BCKDHB: variants seen among roughly 807,000 people sequenced by gnomAD.
The protein encoded by BCKDHB is branched chain keto acid dehydrogenase E1 subunit beta.
Under a neutral mutation model 48.5 loss-of-function variants are expected in BCKDHB, and 41 were observed. The observed-to-expected ratio is 0.85, with a 90% CI of 0.66 to 1.10. The LOEUF (loss-of-function observed/expected upper bound fraction) is 1.10. BCKDHB is among the 50% of genes least tolerant of loss of function. The pLI is 0.00. For synonymous variants in BCKDHB, 201 were observed against 174.8 expected, an observed-to-expected ratio of 1.15 and a Z score of -1.18; for missense variants, 496 against 494.2, an observed-to-expected ratio of 1.00 and a Z score of -0.03.
At chr6:80,216,234 G>C (rs190081899) in intron 8 of BCKDHB, among the ~76,000 whole-genome samples, 6 of 152,354 alleles carry the variant, frequency 3.9e-5, no homozygotes, top group South Asian at 2.1e-4. Flanking sequence ...GACAGCACTG[G>C]CTTCAACCCA....
intron 9 of BCKDHB, among the ~76,000 whole-genome samples, chr6:80,323,453 T>TTA (rs1768854451): frequency 1.3e-5 from 2 of 152,188 alleles, no homozygotes; most frequent in South Asian, 4.1e-4. Flanking sequence ...TACATGAATT[T>TTA]TAAGACACTA....
intron 8 of BCKDHB, among the ~76,000 whole-genome samples, chr6:80,209,776 A>T (rs1445703123): frequency 6.6e-6 from 1 of 152,008 alleles, no homozygotes; most frequent in Non-Finnish European, 1.5e-5. Context: ...CACTAACGTT[A>T]AAAAAGGGCT....
At chr6:80,464,290 C>A in the BCKDHB span, among the ~76,000 whole-genome samples, 1 of 151,892 alleles carries the variant, frequency 6.6e-6, no homozygotes, top group Non-Finnish European at 1.5e-5. Context: ...CCACGCCCGG[C>A]TAATTTTTTT....
the BCKDHB span, among the ~76,000 whole-genome samples, chr6:80,363,463 G>A: frequency 6.6e-6 from 1 of 152,126 alleles, no homozygotes. Flanking sequence ...TCATCAGAAT[G>A]TCAAAGTCTG....
At chr6:80,216,686 A>C (rs990358733) in intron 8 of BCKDHB, among the ~76,000 whole-genome samples, 1 of 152,178 alleles carries the variant, frequency 6.6e-6, no homozygotes, top group Non-Finnish European at 1.5e-5. Flanking sequence ...TAGGTACATT[A>C]TGTTCTTAGT....
At chr6:80,394,976 T>TGAA in the BCKDHB span, among the ~76,000 whole-genome samples, 5 of 152,184 alleles carry the variant, frequency 3.3e-5, no homozygotes, top group Non-Finnish European at 5.9e-5. Flanking sequence ...TGCTGCCTTG[T>TGAA]GAAGGAGGAC....
At chr6:80,350,387 A>G (rs1428560365), downstream of BCKDHB, among the ~76,000 whole-genome samples, 2 of 141,000 alleles carry the variant, frequency 1.4e-5, no homozygotes, top group African/African-American at 5.9e-5. Context: ...AAATAAAAAT[A>G]GTGGGTTTTT....
At chr6:80,429,129 A>G in the BCKDHB span, among the ~76,000 whole-genome samples, 3 of 152,198 alleles carry the variant, frequency 2.0e-5, no homozygotes, top group African/African-American at 7.2e-5. Flanking sequence ...TAAATAGGGA[A>G]TCCTTTCCCC....
chr6:80,463,969 TC>T, the BCKDHB span, among the ~76,000 whole-genome samples: 1 of 152,048 alleles, frequency 6.6e-6, no homozygotes, highest in Non-Finnish European at 1.5e-5. Flanking sequence ...TTCCCTACTT[TC>T]TTTGAATAAC....
chr6:80,357,008 C>T, the BCKDHB span: 1 of 133,556 alleles, frequency 7.5e-6, no homozygotes, highest in East Asian at 2.4e-4. Context: ...AAATAATTCA[C>T]CTACAATAAT....
chr6:80,303,466 C>T (rs1372742658), intron 9 of BCKDHB, among the ~76,000 whole-genome samples: 1 of 152,072 alleles, frequency 6.6e-6, no homozygotes, highest in African/African-American at 2.4e-5. Context: ...CTCCTTTCAA[C>T]TTCTTCAAAT....
At chr6:80,211,285 G>A (rs1774921486) in intron 8 of BCKDHB, among the ~76,000 whole-genome samples, 1 of 152,264 alleles carries the variant, frequency 6.6e-6, no homozygotes, top group South Asian at 2.1e-4. Context: ...ATAAGAATTT[G>A]CCTTTATACC....
chr6:80,187,401 G>T (rs764026797), intron 6 of BCKDHB, among the ~76,000 whole-genome samples: 9 of 151,926 alleles, frequency 5.9e-5, no homozygotes, highest in Non-Finnish European at 1.3e-4. Context: ...GAATGTTGGG[G>T]GCATGAGAAC....
At chr6:80,315,935 A>G (rs961405381) in intron 9 of BCKDHB, among the ~76,000 whole-genome samples, 1 of 152,206 alleles carries the variant, frequency 6.6e-6, no homozygotes, top group Non-Finnish European at 1.5e-5. Context: ...CTTCCTGTTT[A>G]CACCGCAATT....
intron 8 of BCKDHB, among the ~76,000 whole-genome samples, chr6:80,211,973 G>C (rs547641399): frequency 6.6e-6 from 1 of 152,194 alleles, no homozygotes; most frequent in South Asian, 2.1e-4. Flanking sequence ...GCAAAAAGCA[G>C]AACTACTAAT....
At chr6:80,422,322 T>C in the BCKDHB span, among the ~76,000 whole-genome samples, 4 of 152,184 alleles carry the variant, frequency 2.6e-5, no homozygotes, top group Non-Finnish European at 4.4e-5. Flanking sequence ...TTTTAGAGGA[T>C]GTATGGAAAC....
chr6:80,212,091 A>G (rs750828878), intron 8 of BCKDHB, among the ~76,000 whole-genome samples: 4 of 152,164 alleles, frequency 2.6e-5, no homozygotes, highest in Middle Eastern at 3.2e-3. Context: ...CAAAAGCAGA[A>G]CTACTGATAA....
At chr6:80,390,651 A>T in the BCKDHB span, among the ~76,000 whole-genome samples, 1 of 152,004 alleles carries the variant, frequency 6.6e-6, no homozygotes, top group Non-Finnish European at 1.5e-5. Flanking sequence ...TGTACGGAGG[A>T]TAGTGGTATT....
the BCKDHB span, among the ~76,000 whole-genome samples, chr6:80,418,017 G>T: frequency 6.6e-6 from 1 of 152,132 alleles, no homozygotes; most frequent in East Asian, 1.9e-4. Flanking sequence ...TATCTTGGAG[G>T]TTTTGTTTTT....
Sources: allele counts gnomAD v4.1 joint callset (sites outside exome capture counted in the v4.1 genomes callset), GRCh38; gene constraint gnomAD v4.1.1; transcripts MANE v1.5; gene names NCBI Gene and HGNC (gene_info 2026-07-23, HGNC 2026-07-21).